The following SUGCT variants were observed in gnomAD, a reference collection of about 807,000 sequenced individuals.
The protein encoded by SUGCT is succinyl-CoA:glutarate-CoA transferase.
A neutral mutation model predicts 55.0 loss-of-function variants in SUGCT; 41 were observed. That is an observed-to-expected ratio of 0.74 (90% CI 0.58 to 0.97). SUGCT has a LOEUF of 0.97. Ranked by LOEUF, SUGCT falls within the 50% of genes least tolerant of loss-of-function variation. The pLI is 0.00. For synonymous variants in SUGCT, 187 were observed against 200.4 expected, an observed-to-expected ratio of 0.93 and a Z score of 0.56; for missense variants, 568 against 547.8, an observed-to-expected ratio of 1.04 and a Z score of -0.37.
intron 6 of SUGCT, among the ~76,000 whole-genome samples, chr7:40,235,617 G>A (rs1004404676): frequency 2.6e-5 from 4 of 152,072 alleles, no homozygotes; most frequent in South Asian, 2.1e-4. Flanking sequence ...GTGAGCCACC[G>A]CATCCAGCCA....
At chr7:40,242,415 G>A (rs749719811) in intron 7 of SUGCT, among the ~76,000 whole-genome samples, 2 of 151,796 alleles carry the variant, frequency 1.3e-5, no homozygotes, top group South Asian at 4.2e-4. Context: ...CAAGTGATTC[G>A]CCCACTTCGG....
In SUGCT at chr7:40,498,199, G is replaced by T. The variant is rs909756666; in HGVS notation, c.1089+1813G>T. Among the ~76,000 whole-genome samples the T allele has an allele frequency of 3.3e-5, 5 of 152,124 alleles. No homozygotes were observed. The South Asian group carries it at 1.0e-3, about 31-fold the overall frequency. On this transcript the variant is annotated intron_variant, in intron 12 of 13. Transcript: ENST00000335693. ...ACTATTACAAATGTCTCTACAAACTGCCCTGTGTGTAAATTTGTGTAAAAC... is the reference window on the plus strand; with the variant it reads ...ACTATTACAAATGTCTCTACAAACTTCCCTGTGTGTAAATTTGTGTAAAAC...
intron 12 of SUGCT, among the ~76,000 whole-genome samples, chr7:40,672,277 G>C: frequency 6.6e-6 from 1 of 152,152 alleles, no homozygotes. Context: ...TCAGACCACA[G>C]TCTGTAAAAG....
chr7:40,343,892 G>A lies in SUGCT; in HGVS notation c.816+27037G>A, dbSNP rs184194328. ...AGGATGGTCTCGATCTCCTGACCTCGTGATCTGCCCGCCTCGGCCTCCCAA... is the reference window on the plus strand; with the variant it reads ...AGGATGGTCTCGATCTCCTGACCTCATGATCTGCCCGCCTCGGCCTCCCAA... On this transcript the variant is annotated intron_variant, in intron 9 of 13. Coordinates refer to ENST00000335693, the MANE Select transcript of SUGCT (RefSeq NM_001193313.2). Among the ~76,000 whole-genome samples the A allele has an allele frequency of 2.2e-4, 33 of 152,212 alleles. No individual in the cohort carries two copies. In the East Asian group the frequency reaches 5.8e-3, roughly 27 times the overall value.
At chr7:40,153,391 T>C in intron 1 of SUGCT, 1 of 370,842 alleles carries the variant, frequency 2.7e-6, no homozygotes, top group East Asian at 7.2e-5. Context: ...CTATTTTAAG[T>C]GGAAGGCCGA....
intron 11 of SUGCT, among the ~76,000 whole-genome samples, chr7:40,492,369 G>A (rs537041195): frequency 6.6e-6 from 1 of 152,070 alleles, no homozygotes; most frequent in Non-Finnish European, 1.5e-5. Flanking sequence ...GAGGCAAAGC[G>A]TATGTTGCCT....
At chr7:40,688,356 C>T (rs971421316) in intron 12 of SUGCT, among the ~76,000 whole-genome samples, 27 of 152,126 alleles carry the variant, frequency 1.8e-4, no homozygotes, top group Admixed American at 7.2e-4. Flanking sequence ...TCTGAATTCA[C>T]GTTTGCCCCA....
intron 12 of SUGCT, among the ~76,000 whole-genome samples, chr7:40,690,353 A>G (rs1562948114): frequency 6.6e-6 from 1 of 152,198 alleles, no homozygotes. Context: ...TAGACCTTCT[A>G]GCTACCTTTA....
intron 13 of SUGCT, among the ~76,000 whole-genome samples, chr7:40,760,081 C>A (rs1788458489): frequency 6.6e-6 from 1 of 152,130 alleles, no homozygotes; most frequent in African/African-American, 2.4e-5. Flanking sequence ...AGATTTCAAT[C>A]ATCAAAAGAC....
At chr7:40,859,015 C>T (rs937999286) in intron 13 of SUGCT, among the ~76,000 whole-genome samples, 1 of 152,172 alleles carries the variant, frequency 6.6e-6, no homozygotes, top group African/African-American at 2.4e-5. Flanking sequence ...GATGGGCATT[C>T]TTTTACCCAC....
intron 12 of SUGCT, among the ~76,000 whole-genome samples, chr7:40,552,586 A>G (rs1212164613): frequency 6.6e-6 from 1 of 152,164 alleles, no homozygotes; most frequent in Non-Finnish European, 1.5e-5. Flanking sequence ...CTTTGTCAGC[A>G]TGACAAAGAT....
At chr7:40,854,785 A>T (rs1202323221) in intron 13 of SUGCT, among the ~76,000 whole-genome samples, 6 of 151,614 alleles carry the variant, frequency 4.0e-5, no homozygotes, top group African/African-American at 1.5e-4. Context: ...TTTTTTTTTA[A>T]ATTAGCCTGC....
chr7:40,740,071 G>A (rs998765566), intron 12 of SUGCT, among the ~76,000 whole-genome samples: 1 of 152,032 alleles, frequency 6.6e-6, no homozygotes, highest in African/African-American at 2.4e-5. Flanking sequence ...TTTAGGTCTT[G>A]ATTGATTTCT....
At chr7:40,885,186 A>G in the SUGCT span, among the ~76,000 whole-genome samples, 1 of 152,162 alleles carries the variant, frequency 6.6e-6, no homozygotes, top group Admixed American at 6.5e-5. Context: ...CAGTAGAAGC[A>G]GAAAAGGCTG....
At chr7:40,347,637 G>A (rs1797388576) in intron 9 of SUGCT, among the ~76,000 whole-genome samples, 1 of 152,154 alleles carries the variant, frequency 6.6e-6, no homozygotes, top group Non-Finnish European at 1.5e-5. Flanking sequence ...TTCAGAAGAG[G>A]CCAGTGTTAT....
intron 9 of SUGCT, among the ~76,000 whole-genome samples, chr7:40,342,097 A>G (rs781666959): frequency 3.9e-5 from 6 of 152,186 alleles, no homozygotes; most frequent in Non-Finnish European, 5.9e-5. Flanking sequence ...AAATTAATCA[A>G]TCTCTCACCT....
intron 7 of SUGCT, among the ~76,000 whole-genome samples, chr7:40,254,938 G>A (rs1790702351): frequency 6.6e-6 from 1 of 151,662 alleles, no homozygotes; most frequent in African/African-American, 2.4e-5. Context: ...GGATATGTTG[G>A]CTGGGCGCGG....
At chr7:40,933,870 G>A in the SUGCT span, among the ~76,000 whole-genome samples, 10 of 152,248 alleles carry the variant, frequency 6.6e-5, no homozygotes, top group African/African-American at 2.4e-4. Flanking sequence ...TCCTTGCGAT[G>A]GGTTAGAACA....
At chr7:40,951,715 G>A in the SUGCT span, among the ~76,000 whole-genome samples, 1 of 152,164 alleles carries the variant, frequency 6.6e-6, no homozygotes, top group Admixed American at 6.5e-5. Flanking sequence ...TATGTACCCA[G>A]TAGTCATTCA....
Sources: gnomAD v4.1 joint callset for allele counts (sites outside exome capture counted in the v4.1 genomes callset) on GRCh38, gnomAD v4.1.1 for gene constraint, MANE v1.5 for transcripts, NCBI Gene and HGNC (gene_info 2026-07-23, HGNC 2026-07-21) for gene names.